Variants in DLG2 observed in about 807,000 individuals in gnomAD.
The protein encoded by DLG2 is disks large homolog 2.
A neutral mutation model predicts 132.5 loss-of-function variants in DLG2; 45 were observed. The observed-to-expected ratio is 0.34, with a 90% confidence interval of 0.27 to 0.44. DLG2 has a LOEUF of 0.44. Ranked by LOEUF, DLG2 falls within the 20% of genes least tolerant of loss-of-function variation. The pLI is 1.00. For missense variants in DLG2, 1,045 were observed against 1,196.9 expected (o/e 0.87, Z 1.87); for synonymous variants, 424 against 419.6 (o/e 1.01, Z -0.13).
At chr11:84,037,919 T>A (rs1256763298) in intron 11 of DLG2, among the ~76,000 whole-genome samples, 3 of 152,136 alleles carry the variant, frequency 2.0e-5, no homozygotes, top group African/African-American at 7.2e-5. Context: ...TACTTCTCTT[T>A]GCATATCTTT....
chr11:85,521,686 T>C (rs1018873119), intron 3 of DLG2, among the ~76,000 whole-genome samples: 1 of 152,170 alleles, frequency 6.6e-6, no homozygotes, highest in Non-Finnish European at 1.5e-5. Context: ...GGACCTGCTA[T>C]ATGGACAATT....
At chr11:84,879,284 CT>C (rs2086908086) in intron 6 of DLG2, among the ~76,000 whole-genome samples, 1 of 152,110 alleles carries the variant, frequency 6.6e-6, no homozygotes, top group Non-Finnish European at 1.5e-5. Flanking sequence ...CAATTAGACT[CT>C]TAGAAATCAC....
At chr11:85,185,803 T>C (rs1294939512) in intron 4 of DLG2, among the ~76,000 whole-genome samples, 1 of 151,870 alleles carries the variant, frequency 6.6e-6, no homozygotes, top group African/African-American at 2.4e-5. Flanking sequence ...GCATTATCTG[T>C]ATGTTAGTGA....
intron 17 of DLG2, among the ~76,000 whole-genome samples, chr11:83,795,788 G>A (rs1566992340): frequency 6.6e-6 from 1 of 152,214 alleles, no homozygotes; most frequent in Non-Finnish European, 1.5e-5. Flanking sequence ...CAGAATCAGA[G>A]GATTTCAAAA....
chr11:85,378,488 A>C (rs1013713416), intron 3 of DLG2, among the ~76,000 whole-genome samples: 4 of 152,168 alleles, frequency 2.6e-5, no homozygotes, highest in African/African-American at 9.6e-5. Context: ...ACCAAATTAG[A>C]TAAGACTTGG....
At chr11:84,548,033 G>A (rs74465913) in intron 6 of DLG2, among the ~76,000 whole-genome samples, 2 of 152,132 alleles carry the variant, frequency 1.3e-5, no homozygotes, top group Admixed American at 1.3e-4. Flanking sequence ...TGTAGCACAG[G>A]TAATAAAGTG....
At chr11:83,862,802 A>C (rs2061664860) in intron 16 of DLG2, among the ~76,000 whole-genome samples, 1 of 152,164 alleles carries the variant, frequency 6.6e-6, no homozygotes, top group Admixed American at 6.6e-5. Context: ...GAAGTGGAGA[A>C]AATTGGTCAC....
At position 84,821,647 on chromosome 11, in the gene DLG2, ACAAC is replaced by A. The variant is rs780450860; in HGVS notation, c.358-286920_358-286917del. On this transcript the variant is annotated intron_variant, in intron 6 of 27. Transcript: ENST00000376104. Reference sequence around the variant, plus strand: ...CAATGTAAAAAAAAAAAAAACAACAACAACAAAAAAAACAAAAAAACAACTTTGG... The same window carrying A: ...CAATGTAAAAAAAAAAAAAACAACAAAAAAAAAACAAAAAAACAACTTTGG... 4.3e-3 allele frequency among the ~76,000 whole-genome samples: 452 copies of A among 104,674 alleles called. 2 individuals are homozygous for A. The highest frequency in any genetic ancestry group is 7.3e-3 in the Non-Finnish European group (332 of 45,766). The allele number at this position is 104,674 out of a possible 152,430, so 68.7% of individuals were successfully genotyped here.
At chr11:85,621,309 T>C (rs1339052724) in intron 2 of DLG2, among the ~76,000 whole-genome samples, 4 of 152,148 alleles carry the variant, frequency 2.6e-5, no homozygotes, top group Non-Finnish European at 5.9e-5. Flanking sequence ...TACAAGGAGA[T>C]TAAAGTTGTT....
intron 6 of DLG2, among the ~76,000 whole-genome samples, chr11:84,842,700 T>C (rs1409519305): frequency 2.0e-5 from 3 of 151,846 alleles, no homozygotes; most frequent in Admixed American, 6.6e-5. Flanking sequence ...AAATAAATGG[T>C]TCCCGAGATT....
chr11:85,047,750 G>A (rs965953216), intron 6 of DLG2, among the ~76,000 whole-genome samples: 3 of 151,754 alleles, frequency 2.0e-5, no homozygotes, highest in Non-Finnish European at 4.4e-5. Context: ...TAAAATTCAA[G>A]TAGGAAAAAA....
chr11:85,226,141 ATG>A (rs549755442), intron 4 of DLG2, among the ~76,000 whole-genome samples: 77 of 150,652 alleles, frequency 5.1e-4, no homozygotes, highest in African/African-American at 1.3e-3. Flanking sequence ...TTAACAATAT[ATG>A]TGTTATAATT....
At chr11:84,226,503 A>G (rs1004258881) in intron 8 of DLG2, among the ~76,000 whole-genome samples, 1 of 152,222 alleles carries the variant, frequency 6.6e-6, no homozygotes, top group Admixed American at 6.5e-5. Context: ...TCAAACAAAC[A>G]GGACTTTAAA....
intron 6 of DLG2, among the ~76,000 whole-genome samples, chr11:84,657,322 T>G (rs547563765): frequency 6.6e-6 from 1 of 152,062 alleles, no homozygotes; most frequent in Non-Finnish European, 1.5e-5. Flanking sequence ...GGGGCTTTGA[T>G]GGAATGACTA....
chr11:85,067,582 C>G (rs1196105162), intron 6 of DLG2, among the ~76,000 whole-genome samples: 2 of 151,796 alleles, frequency 1.3e-5, no homozygotes, highest in Non-Finnish European at 2.9e-5. Flanking sequence ...CAAGACTAAA[C>G]CAGGAAGAAG....
At chr11:83,543,906 AT>A (rs1480941643) in intron 19 of DLG2, among the ~76,000 whole-genome samples, 1 of 152,084 alleles carries the variant, frequency 6.6e-6, no homozygotes, top group African/African-American at 2.4e-5. Flanking sequence ...GGTTCCCACC[AT>A]TTTCTCATAA....
At chr11:84,626,285 C>T (rs1031041390) in intron 6 of DLG2, among the ~76,000 whole-genome samples, 1 of 152,146 alleles carries the variant, frequency 6.6e-6, no homozygotes, top group African/African-American at 2.4e-5. Context: ...CTCTGGTACC[C>T]CTGGCAACAA....
intron 6 of DLG2, among the ~76,000 whole-genome samples, chr11:84,908,582 T>C (rs2091771523): frequency 6.6e-6 from 1 of 151,966 alleles, no homozygotes; most frequent in Non-Finnish European, 1.5e-5. Flanking sequence ...TCTCAGAAAG[T>C]TTCCCCTGTG....
chr11:84,188,373 C>T (rs1318695179), intron 8 of DLG2, among the ~76,000 whole-genome samples: 1 of 152,104 alleles, frequency 6.6e-6, no homozygotes, highest in Non-Finnish European at 1.5e-5. Context: ...ATTGCATCTC[C>T]AGATGCTCTC....
Sources: allele counts gnomAD v4.1 joint callset (sites outside exome capture counted in the v4.1 genomes callset), GRCh38; gene constraint gnomAD v4.1.1; transcripts MANE v1.5; gene names NCBI Gene and HGNC (gene_info 2026-07-23, HGNC 2026-07-21).